Variants in SCP2 observed in about 807,000 individuals in gnomAD.
The protein encoded by SCP2 is SCP-2/3-oxoacyl-CoA thiolase.
A neutral mutation model predicts 71.4 loss-of-function variants in SCP2; 48 were observed. The ratio of observed to expected loss-of-function variants is 0.67; its 90% CI spans 0.53 to 0.86. The LOEUF (loss-of-function observed/expected upper bound fraction) is 0.86, where lower values mean the gene tolerates loss of function less well. SCP2 is among the 40% of genes least tolerant of loss of function. The pLI is 0.00. For missense variants in SCP2, 560 were observed against 655.6 expected, an observed-to-expected ratio of 0.85 and a Z score of 1.59; for synonymous variants, 220 against 218.1, an observed-to-expected ratio of 1.01 and a Z score of -0.08.
At chr1:52,933,740 A>G (rs1653387505) in intron 1 of SCP2, among the ~76,000 whole-genome samples, 1 of 152,190 alleles carries the variant, frequency 6.6e-6, no homozygotes, top group Non-Finnish European at 1.5e-5. Context: ...GGGGTTCTCA[A>G]AATACGGTTT....
intron 1 of SCP2, among the ~76,000 whole-genome samples, chr1:52,929,362 T>A (rs939047194): frequency 4.6e-5 from 7 of 151,956 alleles, no homozygotes; most frequent in African/African-American, 1.7e-4. Flanking sequence ...AAAAAAAAAT[T>A]TTTTTTGTAG....
chr1:52,999,110 T>A lies in SCP2; in HGVS notation c.1081+10974T>A, dbSNP rs138733175. The stretch of plus-strand genomic sequence containing the variant: ...CATTTTTTGGGAAAAAAATTATGAA[T>A]CTTGATGACTTGAGTGGTAGTCTGA... On this transcript the variant is annotated intron_variant, in intron 11 of 15. Transcript: ENST00000371514. Among the ~76,000 whole-genome samples the A allele has an allele frequency of 3.4e-3, 516 of 152,312 alleles. 3 individuals are homozygous for A. Among genetic ancestry groups the A allele is most frequent in the African/African-American group, 0.012 (489 of 41,568 alleles).
chr1:52,941,615 A>T (rs1306656419), intron 1 of SCP2, among the ~76,000 whole-genome samples, 181 bp from the exon 2 acceptor site: 1 of 151,928 alleles, frequency 6.6e-6, no homozygotes, highest in Non-Finnish European at 1.5e-5. Flanking sequence ...TGCACCTGTA[A>T]TCCCAGCTAC....
intron 5 of SCP2, among the ~76,000 whole-genome samples, chr1:52,961,062 G>C (rs1474471763): frequency 3.3e-4 from 45 of 137,204 alleles, no homozygotes; most frequent in Admixed American, 5.8e-4. Flanking sequence ...TATTTCCTTT[G>C]GTTCTTTTTT....
intron 2 of SCP2, chr1:52,943,736 G>A (rs1654501700): frequency 4.3e-6 from 2 of 467,672 alleles, no homozygotes; most frequent in African/African-American, 4.0e-5. Context: ...ACGCTGGAAG[G>A]GAGGTTTGCG....
chr1:52,977,698 C>T (rs143560263), intron 8 of SCP2, among the ~76,000 whole-genome samples: 4,572 of 152,252 alleles, frequency 0.03, 237 homozygotes, highest in African/African-American at 0.1. Context: ...TGGTAGCTCA[C>T]GCCTGTAATC....
intron 1 of SCP2, among the ~76,000 whole-genome samples, chr1:52,931,260 G>A (rs889520854): frequency 2.2e-4 from 33 of 152,268 alleles, no homozygotes; most frequent in African/African-American, 7.9e-4. Context: ...CCTGAAGAGG[G>A]GTTATACTGG....
intron 10 of SCP2, among the ~76,000 whole-genome samples, chr1:52,982,885 T>C (rs956794047): frequency 1.3e-5 from 2 of 152,228 alleles, no homozygotes; most frequent in Non-Finnish European, 2.9e-5. Context: ...ATTTTAAAGA[T>C]ACTAAGAGGG....
Position 53,014,891 on chromosome 1 carries a change from TCTTG to T in SCP2, c.1086_1089del (p.Ala363SerfsTer9). ...AGTGCTCTGTGTTCGATTTGTTAGG[TCTTG>T]CTCAGTGTGCAGAACTCTGCTGGCA... On this transcript the variant is annotated frameshift_variant and splice_region_variant, in exon 12 of 16. Coordinates refer to ENST00000371514, the MANE Select transcript of SCP2 (RefSeq NM_002979.5). LOFTEE classifies it high-confidence loss of function. 6.2e-7 allele frequency: 1 copy of T among 1,612,870 alleles called. No homozygotes were observed. Among genetic ancestry groups the T allele is most frequent in the Non-Finnish European group, 8.5e-7 (1 of 1,179,836 alleles).
chr1:53,008,502 C>T (rs1660777518), intron 11 of SCP2, among the ~76,000 whole-genome samples: 1 of 152,146 alleles, frequency 6.6e-6, no homozygotes, highest in Non-Finnish European at 1.5e-5. Flanking sequence ...TGTAATCCAT[C>T]ATATAAACAG....
chr1:52,971,208 C>T (rs1657465432), intron 6 of SCP2, among the ~76,000 whole-genome samples: 1 of 152,058 alleles, frequency 6.6e-6, no homozygotes, highest in Admixed American at 6.5e-5. Flanking sequence ...GATATCCCGA[C>T]CTCGTGATCC....
intron 11 of SCP2, chr1:52,996,117 C>T (rs72901347): frequency 0.11 from 56,249 of 530,698 alleles, 4,807 homozygotes; most frequent in East Asian, 0.32. Context: ...GTGTTTGCTG[C>T]CTGAAACACA....
At position 52,933,527 on chromosome 1, in the gene SCP2, AG is replaced by A. The variant is rs1368545543; in HGVS notation, c.69+6065del. Among the ~76,000 whole-genome samples the A allele has an allele frequency of 3.3e-5, 5 of 152,276 alleles. No homozygotes were observed. In the East Asian group the frequency reaches 9.6e-4, roughly 29 times the overall value. On this transcript the variant is annotated intron_variant, in intron 1 of 15. Transcript: ENST00000371514. ...CTAATTATAGTCTTTGGAGGATAAC[AG>A]GGAACCTACTCATTGTCTTGAAAAT...
intron 5 of SCP2, among the ~76,000 whole-genome samples, chr1:52,957,358 CAT>C (rs1439850108): frequency 2.6e-5 from 4 of 152,228 alleles, no homozygotes; most frequent in Non-Finnish European, 4.4e-5. Context: ...TACACACACA[CAT>C]GTTAAAAAAC....
At chr1:52,968,236 G>A (rs779780103) in intron 6 of SCP2, among the ~76,000 whole-genome samples, 4 of 151,912 alleles carry the variant, frequency 2.6e-5, no homozygotes, top group East Asian at 3.9e-4. Context: ...CCACCACGCC[G>A]GCCTCTCTTG....
intron 1 of SCP2, chr1:52,928,753 A>T (rs1356070070): frequency 6.5e-6 from 1 of 154,480 alleles, no homozygotes; most frequent in Non-Finnish European, 1.5e-5. Flanking sequence ...AGCCTGGGCC[A>T]TAGAGTCAGT....
intron 5 of SCP2, among the ~76,000 whole-genome samples, chr1:52,956,467 A>C (rs536514081): frequency 6.6e-6 from 1 of 152,300 alleles, no homozygotes; most frequent in East Asian, 1.9e-4. Context: ...AGAAACCACA[A>C]AAGTGGCACT....
At position 52,927,342 on chromosome 1, in the gene SCP2, T is replaced by A; in HGVS notation, c.-55T>A. ...AGGGAGCTCTGGTGCAGTCTCCGCC[T>A]GTCAGTGCCGGCAGTCGTCCGCGGC... On this transcript the variant is annotated 5_prime_UTR_variant, in exon 1 of 16. Transcript: ENST00000371514. 6.9e-7 allele frequency: 1 copy of A among 1,446,162 alleles called. No homozygotes were observed. The highest frequency in any genetic ancestry group is 9.5e-7 in the Non-Finnish European group (1 of 1,054,118). The allele number at this position is 1,446,162 out of a possible 1,614,324, so 89.6% of individuals were successfully genotyped here.
At chr1:52,987,006 A>ATATTTTTTTTTTTTTT (rs1386745740) in intron 10 of SCP2, among the ~76,000 whole-genome samples, 3 of 110,506 alleles carry the variant, frequency 2.7e-5, no homozygotes, top group African/African-American at 1.2e-4. Flanking sequence ...ATATATATAT[A>ATATTTTTTTTTTTTTT]TTTTTTTTTT....
Sources: allele counts gnomAD v4.1 joint callset (sites outside exome capture counted in the v4.1 genomes callset), GRCh38; gene constraint gnomAD v4.1.1; transcripts MANE v1.5; gene names NCBI Gene and HGNC (gene_info 2026-07-23, HGNC 2026-07-21).